The following TMEM62 variants were observed in gnomAD, a reference collection of about 807,000 sequenced individuals.
TMEM62 encodes the protein transmembrane protein 62.
Under a neutral mutation model 70.4 loss-of-function variants are expected in TMEM62, and 41 were observed. The observed-to-expected ratio is 0.58, with a 90% CI of 0.45 to 0.76. The LOEUF (loss-of-function observed/expected upper bound fraction) is 0.76, where lower values mean the gene tolerates loss of function less well. TMEM62 is among the 30% of genes least tolerant of loss of function. The pLI, the probability that TMEM62 is intolerant of heterozygous loss-of-function variation, is 0.00. For missense variants in TMEM62, 688 were observed against 788.5 expected, an observed-to-expected ratio of 0.87 and a Z score of 1.53; for synonymous variants, 268 against 291.0, an observed-to-expected ratio of 0.92 and a Z score of 0.80.
chr15:43,164,451 C>CTTTTTT (rs943352342), intron 10 of TMEM62, among the ~76,000 whole-genome samples: 1 of 134,804 alleles, frequency 7.4e-6, no homozygotes. Flanking sequence ...TTTTTCTTTT[C>CTTTTTT]TTTTTTTTTT....
intron 12 of TMEM62, chr15:43,180,690 G>A (rs1405466548): frequency 6.6e-6 from 1 of 152,316 alleles, no homozygotes; most frequent in Non-Finnish European, 1.5e-5. Flanking sequence ...ACAAAGTAAT[G>A]ACTGTGGGCC....
At chr15:43,134,837 A>T (rs188046898) in intron 2 of TMEM62, among the ~76,000 whole-genome samples, 1 of 152,248 alleles carries the variant, frequency 6.6e-6, no homozygotes, top group Non-Finnish European at 1.5e-5. Flanking sequence ...TGATAGTTTT[A>T]TGACTTAAGT....
rs550506231 is a variant in TMEM62 at position 43,156,435 on chromosome 15, A to T, written c.1182+1604A>T. Reference sequence around the variant, plus strand: ...ACTTACAGCAGAAGTAGAAGGAGAGATAGCTGGGGATGAACCCTTAAGGTC... The same window carrying T: ...ACTTACAGCAGAAGTAGAAGGAGAGTTAGCTGGGGATGAACCCTTAAGGTC... On this transcript the variant is annotated intron_variant, in intron 9 of 13. Coordinates refer to ENST00000260403, the MANE Select transcript of TMEM62 (RefSeq NM_024956.4). 3.7e-4 allele frequency among the ~76,000 whole-genome samples: 57 copies of T among 152,308 alleles called. No individual in the cohort carries two copies. In the South Asian group the frequency reaches 0.012, roughly 31 times the overall value.
At chr15:43,165,687 T>C (rs1157088205) in intron 10 of TMEM62, among the ~76,000 whole-genome samples, 2 of 151,394 alleles carry the variant, frequency 1.3e-5, no homozygotes, top group African/African-American at 4.9e-5. Context: ...GAGCCAAGAT[T>C]GCGCCACTGC....
chr15:43,137,239 A>T (rs1474618896), intron 3 of TMEM62, among the ~76,000 whole-genome samples: 1 of 152,144 alleles, frequency 6.6e-6, no homozygotes, highest in South Asian at 2.1e-4. Flanking sequence ...TCATTTGTCT[A>T]CTTTATCTGA....
At chr15:43,158,946 G>T (rs2038352473) in intron 9 of TMEM62, among the ~76,000 whole-genome samples, 1 of 152,266 alleles carries the variant, frequency 6.6e-6, no homozygotes, top group African/African-American at 2.4e-5. Flanking sequence ...TGCTCAAATT[G>T]TTCCACCTTT....
chr15:43,164,292 T>A (rs575093236), intron 10 of TMEM62, among the ~76,000 whole-genome samples: 10 of 152,154 alleles, frequency 6.6e-5, no homozygotes, highest in Non-Finnish European at 8.8e-5. Flanking sequence ...AAAACTGATG[T>A]TGTGGTTATT....
intron 10 of TMEM62, among the ~76,000 whole-genome samples, chr15:43,167,690 G>C (rs1278889141): frequency 2.0e-5 from 3 of 152,140 alleles, no homozygotes; most frequent in African/African-American, 7.2e-5. Flanking sequence ...TGGGCGGCCA[G>C]GCAGAGACGC....
intron 9 of TMEM62, among the ~76,000 whole-genome samples, chr15:43,158,525 C>T (rs1420065089): frequency 1.3e-5 from 2 of 152,186 alleles, no homozygotes; most frequent in Non-Finnish European, 2.9e-5. Context: ...CAAGCCAGCT[C>T]CAGCACACTG....
At chr15:43,177,129 T>C (rs1305930363) in intron 11 of TMEM62, among the ~76,000 whole-genome samples, 1 of 151,264 alleles carries the variant, frequency 6.6e-6, no homozygotes, top group Non-Finnish European at 1.5e-5. Flanking sequence ...AGAAGGGAAG[T>C]TTAGAGAAAA....
In TMEM62 at chr15:43,167,367, C is replaced by T. The variant is rs550638934; in HGVS notation, c.1297-2226C>T. Among the ~76,000 whole-genome samples, 253 of 150,008 alleles carry T rather than the reference C, an allele frequency of 1.7e-3. 2 individuals are homozygous for T. Among genetic ancestry groups the T allele is most frequent in the African/African-American group, 5.0e-3 (202 of 40,646 alleles). On this transcript the variant is annotated intron_variant, in intron 10 of 13. Coordinates refer to ENST00000260403, the MANE Select transcript of TMEM62 (RefSeq NM_024956.4). The stretch of plus-strand genomic sequence containing the variant: ...GCGGAGGGGCTCCTCACTTCTCAGA[C>T]GGGGCGGCTGCTGGGCTGAGGGGCA...
intron 9 of TMEM62, among the ~76,000 whole-genome samples, chr15:43,159,042 G>C (rs1295941496): frequency 6.6e-6 from 1 of 152,016 alleles, no homozygotes; most frequent in East Asian, 1.9e-4. Context: ...TTTCTGATTT[G>C]ACAAGATATT....
At chr15:43,165,111 T>TA (rs1455308710) in intron 10 of TMEM62, among the ~76,000 whole-genome samples, 5 of 152,084 alleles carry the variant, frequency 3.3e-5, no homozygotes, top group Admixed American at 6.5e-5. Context: ...TTCTTTAGGT[T>TA]AAAAAAGTTC....
At chr15:43,178,748 A>G (rs779529992) in intron 12 of TMEM62, 37 bp downstream of exon 12, 37 of 1,312,240 alleles carry the variant, frequency 2.8e-5, no homozygotes, top group Admixed American at 5.8e-5. Context: ...GAATTTTGCC[A>G]AAGAATATAT....
At chr15:43,142,739 G>C (rs1353068650) in intron 4 of TMEM62, among the ~76,000 whole-genome samples, 1 of 151,582 alleles carries the variant, frequency 6.6e-6, no homozygotes, top group Non-Finnish European at 1.5e-5. Flanking sequence ...CGCGATCTCA[G>C]CTCACTGCAA....
Position 43,177,740 on chromosome 15 carries a change from T to C in TMEM62, c.1382-867T>C, listed in dbSNP as rs907857793. Among the ~76,000 whole-genome samples the C allele has an allele frequency of 4.3e-4, 65 of 151,814 alleles. 2 individuals are homozygous for C. On this transcript the variant is annotated intron_variant, in intron 11 of 13. Transcript: ENST00000260403. The stretch of plus-strand genomic sequence containing the variant: ...GGAAATCATCATTCTCAGTAAACTA[T>C]CGCAAGGACAAAAAACCAAACACCG...
intron 10 of TMEM62, among the ~76,000 whole-genome samples, chr15:43,162,844 T>C (rs926860105): frequency 7.9e-5 from 12 of 152,140 alleles, no homozygotes; most frequent in African/African-American, 2.9e-4. Flanking sequence ...CTCTCTAATA[T>C]AGTTTCTTGG....
chr15:43,148,965 T>G, intron 6 of TMEM62, 64 bp from the exon 7 acceptor site: 1 of 1,603,680 alleles, frequency 6.2e-7, no homozygotes, highest in Non-Finnish European at 8.5e-7. Context: ...GGCAAGACAT[T>G]TTTATTAGTT....
At chr15:43,175,794 C>T (rs572730582) in intron 11 of TMEM62, among the ~76,000 whole-genome samples, 40 of 152,296 alleles carry the variant, frequency 2.6e-4, no homozygotes, top group Admixed American at 1.8e-3. Flanking sequence ...ATCTGAGGTA[C>T]CAGGTTCATC....
Sources: allele counts gnomAD v4.1 joint callset (sites outside exome capture counted in the v4.1 genomes callset), GRCh38; gene constraint gnomAD v4.1.1; transcripts MANE v1.5; gene names NCBI Gene and HGNC (gene_info 2026-07-23, HGNC 2026-07-21).